RIMBP2: variants seen among roughly 807,000 people sequenced by gnomAD.
The protein encoded by RIMBP2 is RIMS binding protein 2.
A neutral mutation model predicts 118.6 loss-of-function variants in RIMBP2; 48 were observed. That is an observed-to-expected ratio of 0.40 (90% CI 0.32 to 0.51). The LOEUF is 0.51. Among genes scored for constraint, RIMBP2 ranks in the 20% least tolerant of loss-of-function variants. RIMBP2 has a pLI of 0.41. For missense variants in RIMBP2, 1,551 were observed against 1,768.3 expected, an observed-to-expected ratio of 0.88 and a Z score of 2.20; for synonymous variants, 762 against 742.9, an observed-to-expected ratio of 1.03 and a Z score of -0.42.
intron 2 of RIMBP2, among the ~76,000 whole-genome samples, chr12:130,584,213 CTCACCACCACCATCACT>C (rs1187235045): frequency 8.0e-6 from 1 of 124,648 alleles, no homozygotes; most frequent in African/African-American, 3.1e-5. Flanking sequence ...CCACCATCAC[CTCACCACCACCATCACT>C]TCACCACCAC....
At chr12:130,666,913 A>G (rs2063943477) in intron 1 of RIMBP2, among the ~76,000 whole-genome samples, 1 of 121,718 alleles carries the variant, frequency 8.2e-6, no homozygotes, top group Non-Finnish European at 1.7e-5. Context: ...AGGGAGGGAG[A>G]AAGAGAGGGA....
At chr12:130,406,363 T>C (rs1335994856) in intron 20 of RIMBP2, 120 bp from the exon 21 acceptor site, 3 of 649,906 alleles carry the variant, frequency 4.6e-6, no homozygotes, top group African/African-American at 3.7e-5. Flanking sequence ...ATCTACTCTT[T>C]CAGTCAAATA....
At chr12:130,559,222 A>G (rs982782613) in intron 2 of RIMBP2, among the ~76,000 whole-genome samples, 1 of 152,102 alleles carries the variant, frequency 6.6e-6, no homozygotes, top group Non-Finnish European at 1.5e-5. Flanking sequence ...CATTGCTATT[A>G]CCTATAGGCA....
chr12:130,701,612 G>A (rs925930639), intron 1 of RIMBP2, among the ~76,000 whole-genome samples: 2 of 152,132 alleles, frequency 1.3e-5, no homozygotes, highest in Admixed American at 6.5e-5. Flanking sequence ...TCTGAGCAAG[G>A]AAGGCGTGAG....
chr12:130,414,534 C>A, intron 17 of RIMBP2: 1 of 415,026 alleles, frequency 2.4e-6, no homozygotes, highest in East Asian at 4.4e-5. Context: ...CATGTGAAAG[C>A]ATTGAGACAG....
At chr12:130,411,821 C>CA (rs2075741626) in intron 19 of RIMBP2, among the ~76,000 whole-genome samples, 2 of 148,878 alleles carry the variant, frequency 1.3e-5, no homozygotes, top group Non-Finnish European at 3.0e-5. Context: ...TTATTAATGC[C>CA]AAAAAAGGTT....
At chr12:130,470,199 C>G (rs188706623) in intron 6 of RIMBP2, 1 of 152,880 alleles carries the variant, frequency 6.5e-6, no homozygotes, top group Non-Finnish European at 1.5e-5. Flanking sequence ...GCGCTGAGGA[C>G]TCTGATTCCC....
rs1367996306 is a variant in RIMBP2 at position 130,615,300 on chromosome 12, T to TATATATATATATATATAC, written c.-217+13021_-217+13022insGTATATATATATATATAT. Among the ~76,000 whole-genome samples, 213 of 140,818 alleles carry TATATATATATATATATAC rather than the reference T, an allele frequency of 1.5e-3. 3 individuals carry two copies. Among genetic ancestry groups the TATATATATATATATATAC allele is most frequent in the Non-Finnish European group, 2.4e-3 (154 of 65,212 alleles). 92.4% of individuals were successfully genotyped at this position (140,818 alleles called of 152,430 possible). A position where few individuals can be genotyped will look rare whatever the true frequency, so the allele number is the denominator to read the frequency against. ...ACATATATATATATATATATATGTGTACACACAAACATATATAGATATTTT... is the reference window on the plus strand; with the variant it reads ...ACATATATATATATATATATATGTGTATATATATATATATATACACACACAAACATATATAGATATTTT... On this transcript the variant is annotated intron_variant, in intron 2 of 22. Transcript: ENST00000690449.
chr12:130,699,488 A>G (rs2065737069), intron 1 of RIMBP2, among the ~76,000 whole-genome samples: 1 of 150,378 alleles, frequency 6.6e-6, no homozygotes, highest in South Asian at 2.1e-4. Context: ...ACAAAAAACC[A>G]AACGCCGCAT....
chr12:130,590,898 C>T (rs1403339119), intron 2 of RIMBP2, among the ~76,000 whole-genome samples: 3 of 152,160 alleles, frequency 2.0e-5, no homozygotes, highest in Non-Finnish European at 2.9e-5. Context: ...AAGTTGCACA[C>T]GAACTTCCGT....
Position 130,688,346 on chromosome 12 carries a change from G to A in RIMBP2, c.-352+27876C>T, listed in dbSNP as rs981523965. ...TCACTAGCCTCCCAAGCTTGCTCCCGGTCTCAGGGAGCCACAGGAACACTC... is the reference window on the plus strand; with the variant it reads ...TCACTAGCCTCCCAAGCTTGCTCCCAGTCTCAGGGAGCCACAGGAACACTC... On this transcript the variant is annotated intron_variant, in intron 1 of 22. Coordinates refer to ENST00000690449, the MANE Select transcript of RIMBP2 (RefSeq NM_001393629.1). The surrounding 1 kb of genome is among the most constrained non-coding windows in gnomAD (Gnocchi z 4.7). 1.2e-4 allele frequency among the ~76,000 whole-genome samples: 19 copies of A among 152,096 alleles called. No homozygotes were observed. Among genetic ancestry groups the A allele is most frequent in the African/African-American group, 4.3e-4 (18 of 41,410 alleles).
At chr12:130,624,469 CGTGTGT>C (rs745607904) in intron 2 of RIMBP2, among the ~76,000 whole-genome samples, 1 of 151,638 alleles carries the variant, frequency 6.6e-6, no homozygotes, top group African/African-American at 2.4e-5. Context: ...TACACCAAGA[CGTGTGT>C]GTGTGTGTAG....
At chr12:130,530,849 G>A (rs1043452219) in intron 2 of RIMBP2, among the ~76,000 whole-genome samples, 2 of 152,104 alleles carry the variant, frequency 1.3e-5, no homozygotes, top group Non-Finnish European at 2.9e-5. Context: ...CTTGAGCAAG[G>A]CCACATTCAG....
At chr12:130,616,954 A>G (rs1446126391) in intron 2 of RIMBP2, among the ~76,000 whole-genome samples, 7 of 152,150 alleles carry the variant, frequency 4.6e-5, no homozygotes, top group Admixed American at 2.6e-4. Context: ...TCCCCGCAAC[A>G]TGGGCCTTGG....
chr12:130,529,189 A>ATG (rs1269661943), intron 2 of RIMBP2, among the ~76,000 whole-genome samples: 2 of 152,228 alleles, frequency 1.3e-5, no homozygotes, highest in Admixed American at 1.3e-4. Context: ...GATTCATGCC[A>ATG]CAACAGGGAT....
intron 1 of RIMBP2, among the ~76,000 whole-genome samples, chr12:130,656,316 C>G (rs779749560): frequency 1.3e-5 from 2 of 152,120 alleles, no homozygotes; most frequent in African/African-American, 2.4e-5. Flanking sequence ...TCCAGGGACC[C>G]CTGGCAGGCA....
In RIMBP2 at chr12:130,540,402, G is replaced by A. The variant is rs376073663; in HGVS notation, c.-216-22485C>T. 9.2e-5 allele frequency among the ~76,000 whole-genome samples: 14 copies of A among 152,282 alleles called. No individual in the cohort carries two copies. The South Asian group carries it at 2.9e-3, about 32-fold the overall frequency. Reference sequence around the variant, plus strand: ...GTTTTGAAATCACCCCAGTTGTCCTGTAGAACTGACGTTTATGGATTCTTT... The same window carrying A: ...GTTTTGAAATCACCCCAGTTGTCCTATAGAACTGACGTTTATGGATTCTTT... On this transcript the variant is annotated intron_variant, in intron 2 of 22. Transcript: ENST00000690449.
intron 1 of RIMBP2, among the ~76,000 whole-genome samples, chr12:130,702,173 T>C (rs2065885216): frequency 6.6e-6 from 1 of 152,028 alleles, no homozygotes; most frequent in South Asian, 2.1e-4. Context: ...CCCTTAGCAA[T>C]GATTTTGGGT....
chr12:130,584,710 C>CATTACATCATCACTATCACAACT (rs2058760519), intron 2 of RIMBP2, among the ~76,000 whole-genome samples: 2 of 64,672 alleles, frequency 3.1e-5, no homozygotes, highest in South Asian at 6.1e-4. Context: ...CTATCACAAC[C>CATTACATCATCACTATCACAACT]ATTACATCAT....
Sources: allele counts gnomAD v4.1 joint callset (sites outside exome capture counted in the v4.1 genomes callset), GRCh38; gene constraint gnomAD v4.1.1; non-coding constraint Gnocchi (gnomAD v3.1); transcripts MANE v1.5; gene names NCBI Gene and HGNC (gene_info 2026-07-23, HGNC 2026-07-21).